Variants in ZNF621 observed in about 807,000 individuals in gnomAD.
ZNF621 encodes the protein zinc finger protein 621.
ZNF621 carries 6 observed loss-of-function variants against 12.7 expected under a neutral mutation model. The observed-to-expected ratio is 0.47, with a 90% confidence interval of 0.26 to 0.93. The LOEUF is 0.93. Ranked by LOEUF, ZNF621 falls within the 40% of genes least tolerant of loss-of-function variation. The pLI is 0.15. For synonymous variants in ZNF621, 156 were observed against 190.3 expected (o/e 0.82, Z 1.48); for missense variants, 474 against 524.0 (o/e 0.90, Z 0.93).
At chr3:40,525,602 A>G in intron 1 of ZNF621, 177 bp from the exon 2 acceptor site, 1 of 631,916 alleles carries the variant, frequency 1.6e-6, no homozygotes, top group Middle Eastern at 4.2e-4. Flanking sequence ...ATTGTCCTGA[A>G]GACTAGGCAG....
intron 3 of ZNF621, 191 bp downstream of exon 3, chr3:40,529,636 G>T (rs929624100): frequency 1.5e-6 from 2 of 1,368,770 alleles, no homozygotes; most frequent in Non-Finnish European, 1.9e-6. Flanking sequence ...TTGTTTGTTT[G>T]TTTTGAGACA....
intron 3 of ZNF621, chr3:40,529,664 C>T: frequency 7.8e-7 from 1 of 1,287,226 alleles, no homozygotes; most frequent in Non-Finnish European, 1.0e-6. Flanking sequence ...GCTCTGTCAC[C>T]TAGGCTGGAG....
rs770934607 is a variant in ZNF621, at chr3:40,525,826, CA to C, written c.-14del. The stretch of plus-strand genomic sequence containing the variant: ...AAACCCAGAAGACAGTGCATGAAGC[CA>C]GGGGACATCCGCCATGCTCCAAACA... On this transcript the variant is annotated 5_prime_UTR_variant, in exon 2 of 5. Transcript: ENST00000339296. 8 of 1,614,138 alleles carry C rather than the reference CA, an allele frequency of 5.0e-6. No individual in the cohort carries two copies. The highest frequency in any genetic ancestry group is 3.3e-5 in the South Asian group (3 of 91,066).
At position 40,533,186 on chromosome 3, in the gene ZNF621, G is replaced by C; in HGVS notation, c.*96G>C. 2 of 1,471,798 alleles carry C rather than the reference G, an allele frequency of 1.4e-6. No individual in the cohort carries two copies. The highest frequency in any genetic ancestry group is 1.8e-6 in the Non-Finnish European group (2 of 1,112,888). 91.2% of individuals were successfully genotyped at this position (1,471,798 alleles called of 1,614,324 possible). A position where few individuals can be genotyped will look rare whatever the true frequency, so the allele number is the denominator to read the frequency against. On this transcript the variant is annotated 3_prime_UTR_variant, in exon 5 of 5. Coordinates refer to ENST00000339296, the MANE Select transcript of ZNF621 (RefSeq NM_198484.5). ...GAAAGGGTCTTGCTCTGTCACCCAG[G>C]CTAGAGTGCGGTGGTGTGATCTTGG...
At chr3:40,527,342 T>C (rs1363320378) in intron 2 of ZNF621, among the ~76,000 whole-genome samples, 3 of 150,542 alleles carry the variant, frequency 2.0e-5, no homozygotes, top group Non-Finnish European at 4.4e-5. Flanking sequence ...TAAATTTTTT[T>C]TTTTTTTGAG....
intron 2 of ZNF621, among the ~76,000 whole-genome samples, chr3:40,527,683 T>A (rs563582357): frequency 7.9e-5 from 12 of 152,346 alleles, no homozygotes; most frequent in African/African-American, 2.9e-4. Flanking sequence ...ATACAAGTTC[T>A]GATAGAAGTT....
intron 2 of ZNF621, 179 bp from the exon 3 acceptor site, chr3:40,529,140 T>C: frequency 1.6e-6 from 1 of 624,822 alleles, no homozygotes; most frequent in Non-Finnish European, 2.7e-6. Flanking sequence ...CATTTGAAAG[T>C]GGAACTACTG....
intron 3 of ZNF621, 55 bp downstream of exon 3, chr3:40,529,500 T>G: frequency 6.2e-7 from 1 of 1,607,496 alleles, no homozygotes; most frequent in Non-Finnish European, 8.5e-7. Flanking sequence ...CTCAGATGTT[T>G]TGGGGATTCT....
chr3:40,539,737 A>C lies in ZNF621; in HGVS notation c.*6647A>C, dbSNP rs1698956637. Reference sequence around the variant, plus strand: ...CTTAATCTAAAAATCATATCATTTAAAAAGCCTGATGATTTAATATTTTTC... The same window carrying C: ...CTTAATCTAAAAATCATATCATTTACAAAGCCTGATGATTTAATATTTTTC... On this transcript the variant is annotated 3_prime_UTR_variant, in exon 5 of 5. Transcript: ENST00000339296. The C allele has an allele frequency of 6.6e-6, 1 of 152,220 alleles. No individual in the cohort carries two copies. Among genetic ancestry groups the C allele is most frequent in the South Asian group, 2.1e-4 (1 of 4,834 alleles). The allele number at this position is 152,220 out of a possible 1,614,324, so 9.4% of individuals were successfully genotyped here. A position where few individuals can be genotyped will look rare whatever the true frequency, so the allele number is the denominator to read the frequency against.
Position 40,537,966 on chromosome 3 carries a change from A to G in ZNF621, c.*4876A>G, listed in dbSNP as rs1179875791. Among the ~76,000 whole-genome samples the G allele has an allele frequency of 6.6e-6, 1 of 152,222 alleles. No homozygotes were observed. Among genetic ancestry groups the G allele is most frequent in the Non-Finnish European group, 1.5e-5 (1 of 68,034 alleles). On this transcript the variant is annotated 3_prime_UTR_variant, in exon 5 of 5. Coordinates refer to ENST00000339296, the MANE Select transcript of ZNF621 (RefSeq NM_198484.5). Reference sequence around the variant, plus strand: ...ATCTAGGACTTTCATGGAGAAGAGAAGTTAATCCCTGGCTTAAAAGCATCA... The same window carrying G: ...ATCTAGGACTTTCATGGAGAAGAGAGGTTAATCCCTGGCTTAAAAGCATCA...
rs1462965814 is a variant in ZNF621, at chr3:40,535,410, G to A, written c.*2320G>A. ...AATTAGCTTACAAAATGTCTAAGAG[G>A]AGCTAAGCTGGGATGCCACATAGGC... On this transcript the variant is annotated 3_prime_UTR_variant, in exon 5 of 5. Coordinates refer to ENST00000339296, the MANE Select transcript of ZNF621 (RefSeq NM_198484.5). The A allele has an allele frequency of 1.3e-5, 2 of 152,194 alleles. No individual in the cohort carries two copies. Among genetic ancestry groups the A allele is most frequent in the South Asian group, 2.1e-4 (1 of 4,828 alleles). 9.4% of individuals were successfully genotyped at this position (152,194 alleles called of 1,614,324 possible). A position where few individuals can be genotyped will look rare whatever the true frequency, so the allele number is the denominator to read the frequency against.
upstream of ZNF621, chr3:40,524,820 CCT>C (rs565691266): frequency 1.5e-3 from 224 of 152,574 alleles, no homozygotes; most frequent in African/African-American, 5.2e-3. Flanking sequence ...CCGCCGCCGG[CCT>C]CTCAGCCCAG....
rs935317080 is a variant in ZNF621, at chr3:40,533,382, C to G, written c.*292C>G. ...TCTCAAACACCTGACCTCAAGTGATCCGCCTGCCTTGGCCCCCCAAAGTGC... is the reference window on the plus strand; with the variant it reads ...TCTCAAACACCTGACCTCAAGTGATGCGCCTGCCTTGGCCCCCCAAAGTGC... On this transcript the variant is annotated 3_prime_UTR_variant, in exon 5 of 5. Transcript: ENST00000339296. 20 of 351,838 alleles carry G rather than the reference C, an allele frequency of 5.7e-5. No homozygotes were observed. The highest frequency in any genetic ancestry group is 1.2e-4 in the East Asian group (2 of 16,768). The allele number at this position is 351,838 out of a possible 1,614,324, so 21.8% of individuals were successfully genotyped here.
chr3:40,531,883 C>A, intron 4 of ZNF621, 147 bp from the exon 5 acceptor site: 1 of 779,588 alleles, frequency 1.3e-6, no homozygotes, highest in East Asian at 2.6e-5. Context: ...TTTTCTTTGT[C>A]TCTCTCATCC....
At chr3:40,529,936 G>A (rs2125674408) in intron 3 of ZNF621, among the ~76,000 whole-genome samples, 1 of 152,280 alleles carries the variant, frequency 6.6e-6, no homozygotes, top group Middle Eastern at 3.4e-3. Context: ...TCCCTTTGTG[G>A]AAGGTTCTCC....
At position 40,529,415 on chromosome 3, in the gene ZNF621, C is replaced by A. The variant is rs1460383823; in HGVS notation, c.121C>A (p.Leu41Met). The change falls in exon 3 of 5, where the codon CTG becomes ATG. Residue 41 changes from leucine (L) to methionine (M), a missense_variant. Coordinates refer to ENST00000339296, the MANE Select transcript of ZNF621 (RefSeq NM_198484.5). Reference sequence around the variant, plus strand: ...GAGGGCCCTGTACGGGGAGGTGATGCTGGAGAATTATGCAAATGTGGCTTC... The same window carrying A: ...GAGGGCCCTGTACGGGGAGGTGATGATGGAGAATTATGCAAATGTGGCTTC... The part of the protein sequence containing the change: ...AQRALYGEVM[L>M]ENYANVASLV... The A allele has an allele frequency of 3.1e-6, 5 of 1,613,452 alleles. No homozygotes were observed. The South Asian group carries it at 5.5e-5, about 18-fold the overall frequency.
In ZNF621 at chr3:40,532,407, G is replaced by C. The variant is rs1254452631; in HGVS notation, c.637G>C (p.Gly213Arg). 1 of 1,613,794 alleles carries C rather than the reference G, an allele frequency of 6.2e-7. No homozygotes were observed. Among genetic ancestry groups the C allele is most frequent in the East Asian group, 2.2e-5 (1 of 44,872 alleles). ...AGGGCCCTATGAATGTAAGGAGTGT[G>C]GCAAAGGTTTGAGTTCCAACACAGC... ...GEGPYECKEC[G>R]KGLSSNTALT... The change falls in exon 5 of 5, where the codon GGC becomes CGC. Residue 213 changes from glycine (G) to arginine (R), a missense_variant. Gly to Arg is a moderately radical substitution (Grantham distance 125). Transcript: ENST00000339296.
At position 40,532,586 on chromosome 3, in the gene ZNF621, C is replaced by A; in HGVS notation, c.816C>A (p.Phe272Leu). 6.2e-7 allele frequency: 1 copy of A among 1,614,058 alleles called. No individual in the cohort carries two copies. Among genetic ancestry groups the A allele is most frequent in the Non-Finnish European group, 8.5e-7 (1 of 1,180,012 alleles). ...AATGTAAGGAATGTTGGAAAGCTTT[C>A]GGTTGTAGGTCACTTTTTATTGTCC... is the stretch of plus-strand genomic sequence containing the variant. ...LYKCKECWKA[F>L]GCRSLFIVHQ... The change falls in exon 5 of 5, where the codon TTC becomes TTA. Residue 272 changes from phenylalanine (F) to leucine (L), a missense_variant. By Grantham distance (22) the Phe-to-Leu change is conservative. Transcript: ENST00000339296.
intron 2 of ZNF621, among the ~76,000 whole-genome samples, chr3:40,528,066 T>C (rs1698627543): frequency 6.6e-6 from 1 of 152,342 alleles, no homozygotes; most frequent in Middle Eastern, 3.4e-3. Context: ...GGATGACACA[T>C]ATCCACTATT....
Sources: gnomAD v4.1 joint callset for allele counts (sites outside exome capture counted in the v4.1 genomes callset) on GRCh38, gnomAD v4.1.1 for gene constraint, MANE v1.5 for transcripts, NCBI Gene and HGNC (gene_info 2026-07-23, HGNC 2026-07-21) for gene names.